Variants in CFAP20DC observed in about 807,000 individuals in gnomAD.
CFAP20DC encodes the protein protein CFAP20DC.
A neutral mutation model predicts 101.7 loss-of-function variants in CFAP20DC; 84 were observed. That is an observed-to-expected ratio of 0.83 (90% CI 0.69 to 0.99). The LOEUF is 0.99. Among genes scored for constraint, CFAP20DC ranks in the 50% least tolerant of loss-of-function variants. CFAP20DC has a pLI of 0.00. For missense variants in CFAP20DC, 1,007 were observed against 970.3 expected (o/e 1.04, Z -0.50); for synonymous variants, 359 against 351.2 (o/e 1.02, Z -0.25).
chr3:58,937,303 A>G (rs1260567523), intron 5 of CFAP20DC, among the ~76,000 whole-genome samples: 1 of 152,152 alleles, frequency 6.6e-6, no homozygotes, highest in East Asian at 1.9e-4. Context: ...CTCCCTGTTG[A>G]AATCTTAGAG....
chr3:58,810,904 C>A (rs1364302405), intron 14 of CFAP20DC, among the ~76,000 whole-genome samples: 2 of 151,740 alleles, frequency 1.3e-5, no homozygotes, highest in African/African-American at 4.9e-5. Context: ...TTCTTATACA[C>A]CAATAACAGG....
At chr3:58,995,376 T>TA (rs35714840) in intron 4 of CFAP20DC, among the ~76,000 whole-genome samples, 4 of 143,918 alleles carry the variant, frequency 2.8e-5, no homozygotes, top group African/African-American at 5.1e-5. Context: ...AATATCTCAC[T>TA]AAAAAAAAAA....
intron 4 of CFAP20DC, among the ~76,000 whole-genome samples, chr3:58,951,505 G>A (rs1329297380): frequency 1.3e-5 from 2 of 152,260 alleles, no homozygotes; most frequent in Admixed American, 1.3e-4. Flanking sequence ...TTGGAGCCAA[G>A]CCAAATGTCC....
In CFAP20DC at chr3:58,980,474, A is replaced by G. The variant is rs369324127; in HGVS notation, c.279-42712T>C. ...ATCCTCAATAAAATACTGGCAAACC[A>G]AATCCAGCAGCACATCAAAAAGCTT... On this transcript the variant is annotated intron_variant, in intron 4 of 16. Transcript: ENST00000482387. Among the ~76,000 whole-genome samples, 40 of 152,266 alleles carry G rather than the reference A, an allele frequency of 2.6e-4. No individual in the cohort carries two copies. In the East Asian group the frequency reaches 4.8e-3, roughly 18 times the overall value.
chr3:58,895,938 C>A (rs954261292), intron 6 of CFAP20DC, among the ~76,000 whole-genome samples: 1 of 152,184 alleles, frequency 6.6e-6, no homozygotes. Flanking sequence ...TTCGCTATTA[C>A]AAGAACAGCA....
At chr3:59,023,449 C>T (rs57578025) in intron 4 of CFAP20DC, among the ~76,000 whole-genome samples, 27,977 of 151,786 alleles carry the variant, frequency 0.18, 2,593 homozygotes, top group Non-Finnish European at 0.2. Flanking sequence ...CCTTAAAGAA[C>T]GATTAGGGTT....
rs1313567439 is a variant in CFAP20DC, at chr3:58,732,442, C to T, written c.198-14814G>A. ...AGTGACAACCTGAACCTCGAGTGGT[C>T]CAGGATGAATCAAGAGATGCTTTCA... On this transcript the variant is annotated intron_variant, in intron 3 of 3. Transcript: ENST00000486145. This position sits in a 1 kb window ranked among gnomAD's most constrained non-coding sequence, Gnocchi z 5.4. 3.3e-5 allele frequency among the ~76,000 whole-genome samples: 5 copies of T among 152,116 alleles called. No individual in the cohort carries two copies. Among genetic ancestry groups the T allele is most frequent in the Non-Finnish European group, 5.9e-5 (4 of 68,028 alleles).
intron 14 of CFAP20DC, among the ~76,000 whole-genome samples, chr3:58,808,640 G>C (rs1276974307): frequency 6.6e-6 from 1 of 152,198 alleles, no homozygotes; most frequent in African/African-American, 2.4e-5. Context: ...TCGAGGCTAG[G>C]AAGAAACTCC....
At chr3:58,774,446 G>T (rs2071137834) in intron 15 of CFAP20DC, among the ~76,000 whole-genome samples, 1 of 152,140 alleles carries the variant, frequency 6.6e-6, no homozygotes, top group African/African-American at 2.4e-5. Context: ...ATATTCCCTT[G>T]TAGGAAAAAT....
chr3:58,812,612 G>A (rs912499869), intron 14 of CFAP20DC, among the ~76,000 whole-genome samples: 5 of 151,756 alleles, frequency 3.3e-5, no homozygotes, highest in African/African-American at 9.7e-5. Context: ...GCTAAATGAC[G>A]AGTTAATGGG....
intron 1 of CFAP20DC, 52 bp from the exon 2 acceptor site, chr3:59,047,306 T>C: frequency 1.7e-6 from 2 of 1,207,372 alleles, no homozygotes; most frequent in Non-Finnish European, 1.2e-6. Flanking sequence ...GGAAGTATTA[T>C]CCACCACATA....
At chr3:58,985,302 C>T (rs181706748) in intron 4 of CFAP20DC, among the ~76,000 whole-genome samples, 167 of 152,192 alleles carry the variant, frequency 1.1e-3, no homozygotes, top group Non-Finnish European at 2.0e-3. Context: ...TGAGAGTCCC[C>T]ATTTCTGAAG....
intron 15 of CFAP20DC, among the ~76,000 whole-genome samples, chr3:58,758,899 G>A (rs2069234675): frequency 6.6e-6 from 1 of 152,018 alleles, no homozygotes; most frequent in Non-Finnish European, 1.5e-5. Context: ...AGTATTCCAT[G>A]GTGTATATGT....
At chr3:58,960,948 GA>G (rs1453859712) in intron 4 of CFAP20DC, among the ~76,000 whole-genome samples, 1 of 152,094 alleles carries the variant, frequency 6.6e-6, no homozygotes, top group Non-Finnish European at 1.5e-5. Context: ...GTTTTCATCA[GA>G]AATGGATGTT....
rs900845388 is a variant in CFAP20DC, at chr3:59,007,087, C to A, written c.278+32470G>T. On this transcript the variant is annotated intron_variant, in intron 4 of 16. Transcript: ENST00000482387. This position sits in a 1 kb window ranked among gnomAD's most constrained non-coding sequence, Gnocchi z 4.4. The stretch of plus-strand genomic sequence containing the variant: ...TACTGGATGTCACCCACTTCCCTGG[C>A]AAACTATACTGCACAGCAGAGGTAG... Among the ~76,000 whole-genome samples, 2 of 152,246 alleles carry A rather than the reference C, an allele frequency of 1.3e-5. No homozygotes were observed. The highest frequency in any genetic ancestry group is 2.1e-4 in the South Asian group (1 of 4,814).
rs1338170438 is a variant in CFAP20DC, at chr3:58,894,619, T to C, written c.551-9910A>G. ...ATGGGCTGGCACTGTCTGTGGGTTT[T>C]CCAGGCACACAGTGCAAGCTGTCAG... is the stretch of plus-strand genomic sequence containing the variant. On this transcript the variant is annotated intron_variant, in intron 6 of 16. Coordinates refer to ENST00000482387, the MANE Select transcript of CFAP20DC (RefSeq NM_001394063.1). The surrounding 1 kb of genome is among the most constrained non-coding windows in gnomAD (Gnocchi z 4.1). Among the ~76,000 whole-genome samples, 1 of 152,206 alleles carries C rather than the reference T, an allele frequency of 6.6e-6. No homozygotes were observed. Among genetic ancestry groups the C allele is most frequent in the East Asian group, 1.9e-4 (1 of 5,192 alleles).
rs1280821038 is a variant in CFAP20DC, at chr3:59,006,753, A to C, written c.278+32804T>G. 8.5e-5 allele frequency among the ~76,000 whole-genome samples: 13 copies of C among 152,194 alleles called. No homozygotes were observed. Reference sequence around the variant, plus strand: ...CCAGCAGAATTAGGGAGGGGTCACAAGATGAATGAAGCTTCCAACTAAATT... The same window carrying C: ...CCAGCAGAATTAGGGAGGGGTCACACGATGAATGAAGCTTCCAACTAAATT... On this transcript the variant is annotated intron_variant, in intron 4 of 16. Transcript: ENST00000482387. The surrounding 1 kb of genome is among the most constrained non-coding windows in gnomAD (Gnocchi z 4.3).
chr3:59,039,065 T>C (rs2094152219), intron 4 of CFAP20DC, among the ~76,000 whole-genome samples: 1 of 152,144 alleles, frequency 6.6e-6, no homozygotes, highest in Non-Finnish European at 1.5e-5. Flanking sequence ...AAAGGTTGTA[T>C]ATTTTCATTT....
intron 14 of CFAP20DC, among the ~76,000 whole-genome samples, chr3:58,821,184 A>G (rs1439258030): frequency 2.0e-5 from 3 of 152,166 alleles, no homozygotes; most frequent in Non-Finnish European, 2.9e-5. Context: ...CTAAAACCAT[A>G]AAAACCCTAG....
Sources: allele counts gnomAD v4.1 joint callset (sites outside exome capture counted in the v4.1 genomes callset), GRCh38; gene constraint gnomAD v4.1.1; non-coding constraint Gnocchi (gnomAD v3.1); transcripts MANE v1.5; gene names NCBI Gene and HGNC (gene_info 2026-07-23, HGNC 2026-07-21).